Variants in ADAM22 observed in about 807,000 individuals in gnomAD.
ADAM22 encodes the protein ADAM metallopeptidase domain 22, also known as disintegrin and metalloproteinase domain-containing protein 22.
ADAM22 carries 65 observed loss-of-function variants against 144.6 expected under a neutral mutation model. The observed-to-expected ratio is 0.45, with a 90% CI of 0.37 to 0.55. The LOEUF (loss-of-function observed/expected upper bound fraction) is 0.55. ADAM22 is among the 20% of genes least tolerant of loss of function. The probability of loss-of-function intolerance (pLI) is 0.00; values close to 1 mark genes in which losing one functional copy is unlikely to be tolerated. For missense variants in ADAM22, 974 were observed against 1,184.9 expected, an observed-to-expected ratio of 0.82 and a Z score of 2.61; for synonymous variants, 391 against 412.6, an observed-to-expected ratio of 0.95 and a Z score of 0.63.
intron 3 of ADAM22, among the ~76,000 whole-genome samples, chr7:88,073,454 C>A (rs1041952304): frequency 6.6e-6 from 1 of 152,158 alleles, no homozygotes; most frequent in Admixed American, 6.5e-5. Flanking sequence ...ACCACGTGAG[C>A]CAACCCTGGA....
At chr7:88,024,996 G>A (rs1798691927) in intron 3 of ADAM22, among the ~76,000 whole-genome samples, 1 of 152,096 alleles carries the variant, frequency 6.6e-6, no homozygotes. Flanking sequence ...ATTGTGAATA[G>A]TGCCGCAATA....
chr7:88,114,348 G>C (rs1827192928), intron 5 of ADAM22, among the ~76,000 whole-genome samples: 1 of 152,142 alleles, frequency 6.6e-6, no homozygotes, highest in East Asian at 1.9e-4. Context: ...AACAGCTAGA[G>C]CATGGCAATC....
chr7:88,012,775 G>C (rs1449052232), intron 3 of ADAM22, among the ~76,000 whole-genome samples: 1 of 152,188 alleles, frequency 6.6e-6, no homozygotes, highest in East Asian at 1.9e-4. Context: ...GACCTTCACA[G>C]TGTTTCTGAA....
At chr7:88,145,256 C>T (rs997750910) in intron 16 of ADAM22, 60 bp downstream of exon 16, 1 of 1,558,312 alleles carries the variant, frequency 6.4e-7, no homozygotes, top group African/African-American at 1.4e-5. Flanking sequence ...TCCAGGTCCA[C>T]ACACTGAGAT....
chr7:88,194,975 G>A (rs73397610), intron 31 of ADAM22, among the ~76,000 whole-genome samples: 6,762 of 152,298 alleles, frequency 0.044, 509 homozygotes, highest in African/African-American at 0.15. Context: ...GTCCTGTGGA[G>A]TAGGCAGACA....
chr7:88,161,133 A>AC (rs542324338), intron 22 of ADAM22, among the ~76,000 whole-genome samples: 234 of 149,592 alleles, frequency 1.6e-3, no homozygotes, highest in Non-Finnish European at 2.6e-3. Context: ...TAAAAAACCA[A>AC]CCCCCCCACC....
At chr7:87,993,970 A>C (rs113351630) in intron 3 of ADAM22, among the ~76,000 whole-genome samples, 79 of 152,330 alleles carry the variant, frequency 5.2e-4, no homozygotes, top group Non-Finnish European at 7.2e-4. Flanking sequence ...TTCAAGCAAC[A>C]ATCATTTAGA....
At chr7:87,993,875 T>C (rs1199963660) in intron 3 of ADAM22, among the ~76,000 whole-genome samples, 2 of 152,124 alleles carry the variant, frequency 1.3e-5, no homozygotes, top group Non-Finnish European at 2.9e-5. Flanking sequence ...GAAAAAGCAA[T>C]ATATACACAG....
chr7:87,988,883 T>C (rs1256869393), intron 3 of ADAM22, among the ~76,000 whole-genome samples: 1 of 152,056 alleles, frequency 6.6e-6, no homozygotes, highest in Non-Finnish European at 1.5e-5. Context: ...AGTCTTAGTC[T>C]GGAGAAGTAG....
At chr7:87,969,561 A>G (rs533487631) in intron 2 of ADAM22, among the ~76,000 whole-genome samples, 4 of 152,258 alleles carry the variant, frequency 2.6e-5, no homozygotes. Flanking sequence ...ATGGACTATC[A>G]CTTATTTAAT....
At position 88,186,636 on chromosome 7, in the gene ADAM22, A is replaced by G; in HGVS notation, c.2685A>G (p.Lys895=). The change falls in exon 30 of 32, where the codon AAA becomes AAG. Residue 895 remains lysine, a synonymous_variant. Coordinates refer to ENST00000413139, the MANE Select transcript of ADAM22 (RefSeq NM_001324418.2). ...GCAGGTATTTAAACCCATGGTTCAA[A>G]AGAGACTATAATGTAGCTAAGTGGG... The part of the protein sequence containing the change: ...NSTEYLNPWF[K]RDYNVAKWVE... The G allele has an allele frequency of 6.2e-7, 1 of 1,612,014 alleles. No individual in the cohort carries two copies. Among genetic ancestry groups the G allele is most frequent in the Non-Finnish European group, 8.5e-7 (1 of 1,178,072 alleles).
chr7:87,978,773 C>G (rs1002606494), intron 3 of ADAM22, among the ~76,000 whole-genome samples: 1 of 152,118 alleles, frequency 6.6e-6, no homozygotes, highest in African/African-American at 2.4e-5. Context: ...GAGAAGGTTG[C>G]ACTTTTTGAT....
chr7:88,018,575 G>A lies in ADAM22; in HGVS notation c.323+40163G>A, dbSNP rs569602371. Among the ~76,000 whole-genome samples the A allele has an allele frequency of 3.9e-5, 6 of 152,260 alleles. No individual in the cohort carries two copies. In the South Asian group the frequency reaches 1.2e-3, roughly 32 times the overall value. On this transcript the variant is annotated intron_variant, in intron 3 of 31. Transcript: ENST00000413139. ...ATTGGAATTTGGGTAGAAATATAAA[G>A]CATCTGCTTTATTCCTTATTTGCAA...
At chr7:87,952,307 A>T (rs1335847638) in intron 2 of ADAM22, among the ~76,000 whole-genome samples, 3 of 151,592 alleles carry the variant, frequency 2.0e-5, no homozygotes, top group Non-Finnish European at 1.5e-5. Context: ...TTATTTTGAG[A>T]TACGTCCCAT....
At chr7:88,123,893 T>C (rs895365223) in intron 7 of ADAM22, among the ~76,000 whole-genome samples, 4 of 151,962 alleles carry the variant, frequency 2.6e-5, no homozygotes, top group African/African-American at 9.7e-5. Flanking sequence ...TAGAGCTCAG[T>C]ATCGAAATAC....
At chr7:87,977,315 C>T (rs185825730) in intron 2 of ADAM22, among the ~76,000 whole-genome samples, 606 of 152,302 alleles carry the variant, frequency 4.0e-3, no homozygotes, top group Non-Finnish European at 6.3e-3. Flanking sequence ...TGGTTGAGGT[C>T]ACCTGTGGCC....
chr7:88,083,631 G>A lies in ADAM22; in HGVS notation c.390+7939G>A, dbSNP rs1585565478. ...TGTGTGTGTGTGTGTGTGTGTGTGT[G>A]TGTATGTGTAGTATTTTAAAGCAAA... On this transcript the variant is annotated intron_variant, in intron 4 of 31. Transcript: ENST00000413139. 4.1e-5 allele frequency among the ~76,000 whole-genome samples: 5 copies of A among 123,140 alleles called. No individual in the cohort carries two copies. The East Asian group carries it at 7.1e-4, about 17-fold the overall frequency. 80.8% of individuals were successfully genotyped at this position (123,140 alleles called of 152,430 possible).
At chr7:88,150,235 A>T (rs1191982051) in intron 18 of ADAM22, among the ~76,000 whole-genome samples, 1 of 152,104 alleles carries the variant, frequency 6.6e-6, no homozygotes, top group African/African-American at 2.4e-5. Context: ...TTCAATTTGC[A>T]TTTCACTTCT....
chr7:87,944,816 GTTTTTTTTTTTTTTGTTT>G (rs1282363190), intron 2 of ADAM22, among the ~76,000 whole-genome samples: 2 of 127,026 alleles, frequency 1.6e-5, no homozygotes, highest in Non-Finnish European at 3.3e-5. Flanking sequence ...GGAAACTTGT[GTTTTTTTTTTTTTTGTTT>G]TTTTTTTTTT....
Sources: gnomAD v4.1 joint callset for allele counts (sites outside exome capture counted in the v4.1 genomes callset) on GRCh38, gnomAD v4.1.1 for gene constraint, MANE v1.5 for transcripts, NCBI Gene and HGNC (gene_info 2026-07-23, HGNC 2026-07-21) for gene names.